LRRCC1: variants seen among roughly 807,000 people sequenced by gnomAD.
LRRCC1 encodes leucine rich repeat and coiled-coil centrosomal protein 1.
Under a neutral mutation model 126.0 loss-of-function variants are expected in LRRCC1, and 115 were observed. The observed-to-expected ratio is 0.91, with a 90% CI of 0.78 to 1.07. LRRCC1 has a LOEUF of 1.07. Among genes scored for constraint, LRRCC1 ranks in the 50% least tolerant of loss-of-function variants. The pLI is 0.00. For synonymous variants in LRRCC1, 400 were observed against 393.4 expected, an observed-to-expected ratio of 1.02 and a Z score of -0.20; for missense variants, 1,172 against 1,175.7, an observed-to-expected ratio of 1.00 and a Z score of 0.05.
chr8:85,126,895 G>T, intron 9 of LRRCC1, 58 bp downstream of exon 9: 1 of 1,402,646 alleles, frequency 7.1e-7, no homozygotes. Flanking sequence ...ACTGACTTTA[G>T]AACTGGAATA....
At chr8:85,108,471 G>C (rs544392359) in intron 1 of LRRCC1, among the ~76,000 whole-genome samples, 4 of 152,288 alleles carry the variant, frequency 2.6e-5, no homozygotes, top group South Asian at 2.1e-4. Context: ...ATTAAGTTCG[G>C]ATTCAAACCC....
chr8:85,123,514 T>C lies in LRRCC1; in HGVS notation c.1032T>C (p.Asn344=), dbSNP rs1809729147. The change falls in exon 7 of 19, where the codon AAT becomes AAC. Residue 344 remains asparagine, a synonymous_variant. Coordinates refer to ENST00000360375, the MANE Select transcript of LRRCC1 (RefSeq NM_033402.5). ...ACTATGGAAACAGAAAAGAATGCAA[T>C]AGAAAAGTTCCTCGAAGATCAAAAA... is the stretch of plus-strand genomic sequence containing the variant. ...ESDYGNRKEC[N]RKVPRRSKIP... is the part of the protein sequence containing the mutation. 1.9e-6 allele frequency: 3 copies of C among 1,611,218 alleles called. No homozygotes were observed. The South Asian group carries it at 3.3e-5, about 18-fold the overall frequency.
At position 85,123,008 on chromosome 8, in the gene LRRCC1, G is replaced by GT. The variant is rs1390656785; in HGVS notation, c.931-400dup. ...CTGGTTCTTCAGGCCCAGAAGTCTGGTTTTTCCTACCTGAGGTTTAGACTC... is the reference window on the plus strand; with the variant it reads ...CTGGTTCTTCAGGCCCAGAAGTCTGGTTTTTTCCTACCTGAGGTTTAGACTC... On this transcript the variant is annotated intron_variant, in intron 6 of 18. Transcript: ENST00000360375. Among the ~76,000 whole-genome samples, 3 of 152,026 alleles carry GT rather than the reference G, an allele frequency of 2.0e-5. No homozygotes were observed. In the East Asian group the frequency reaches 5.8e-4, roughly 29 times the overall value.
rs1810747751 is a variant in LRRCC1, at chr8:85,134,987, G to A, written c.2109G>A (p.Leu703=). ...TCMVKEQKTK[L]AEVSKLKQET... Reference sequence around the variant, plus strand: ...TGGTAAAGGAACAAAAAACAAAACTGGCAGAAGTTTCTAAATTGAAACAAG... The same window carrying A: ...TGGTAAAGGAACAAAAAACAAAACTAGCAGAAGTTTCTAAATTGAAACAAG... Residue 703 remains leucine, a synonymous_variant, in exon 13 of 19, where the codon CTG becomes CTA. Transcript: ENST00000360375. 6.5e-7 allele frequency: 1 copy of A among 1,547,750 alleles called. No individual in the cohort carries two copies. The highest frequency in any genetic ancestry group is 2.4e-5 in the East Asian group (1 of 41,774).
rs145921357 is a variant in LRRCC1 at position 85,120,348 on chromosome 8, A to G, written c.931-3065A>G. Among the ~76,000 whole-genome samples the G allele has an allele frequency of 1.2e-4, 18 of 152,202 alleles. No individual in the cohort carries two copies. The East Asian group carries it at 3.3e-3, about 28-fold the overall frequency. ...TCTAGTTCTATCAATTGTGGCATGA[A>G]GAAGTGTTGAAATCTCTGTGGTTGT... On this transcript the variant is annotated intron_variant, in intron 6 of 18. Transcript: ENST00000360375.
At chr8:85,127,761 C>T (rs1346873152) in intron 9 of LRRCC1, among the ~76,000 whole-genome samples, 1 of 152,134 alleles carries the variant, frequency 6.6e-6, no homozygotes, top group Non-Finnish European at 1.5e-5. Flanking sequence ...GCTATGAGAA[C>T]CTCTATAATT....
In LRRCC1 at chr8:85,138,790, A is replaced by G. The variant is rs564779893; in HGVS notation, c.2840+315A>G. On this transcript the variant is annotated intron_variant, in intron 17 of 18. Coordinates refer to ENST00000360375, the MANE Select transcript of LRRCC1 (RefSeq NM_033402.5). The stretch of plus-strand genomic sequence containing the variant: ...CTGCACACGGTGGCTCACGCCTGCA[A>G]TCCCAGCGCTTTGGGAGGCCGAGGT... 1.2e-3 allele frequency among the ~76,000 whole-genome samples: 182 copies of G among 152,304 alleles called. 1 individual carries two copies. The highest frequency in any genetic ancestry group is 4.1e-3 in the African/African-American group (171 of 41,564).
chr8:85,116,019 C>T (rs1373941769), intron 6 of LRRCC1, among the ~76,000 whole-genome samples: 4 of 152,162 alleles, frequency 2.6e-5, no homozygotes, highest in Non-Finnish European at 5.9e-5. Context: ...TACATAGTTC[C>T]TGTATCAATT....
At chr8:85,110,997 C>T (rs2135915172) in intron 3 of LRRCC1, among the ~76,000 whole-genome samples, 1 of 152,254 alleles carries the variant, frequency 6.6e-6, no homozygotes, top group East Asian at 1.9e-4. Context: ...AATAAAAAGA[C>T]CTAGTCTGTA....
chr8:85,116,638 T>C (rs905277218), intron 6 of LRRCC1, among the ~76,000 whole-genome samples: 1 of 152,056 alleles, frequency 6.6e-6, no homozygotes, highest in African/African-American at 2.4e-5. Flanking sequence ...CCTCCTAAAA[T>C]AGTGAGATTA....
At chr8:85,129,751 T>C (rs1449971930) in intron 10 of LRRCC1, among the ~76,000 whole-genome samples, 168 bp from the exon 11 acceptor site, 1 of 152,222 alleles carries the variant, frequency 6.6e-6, no homozygotes, top group Non-Finnish European at 1.5e-5. Flanking sequence ...GTGTATTTGT[T>C]CCTTCCAAGG....
At chr8:85,110,802 A>C (rs764285082) in intron 3 of LRRCC1, among the ~76,000 whole-genome samples, 3 of 152,170 alleles carry the variant, frequency 2.0e-5, no homozygotes, top group Admixed American at 6.5e-5. Flanking sequence ...TAATTGATTA[A>C]AGTGATGTAG....
chr8:85,145,135 A>ATATATG (rs71273924), intron 18 of LRRCC1, among the ~76,000 whole-genome samples: 2 of 149,668 alleles, frequency 1.3e-5, no homozygotes, highest in African/African-American at 4.9e-5. Context: ...ATATATATAT[A>ATATATG]GCCATGTCTT....
intron 6 of LRRCC1, among the ~76,000 whole-genome samples, chr8:85,119,496 CTT>C (rs542722001): frequency 9.6e-5 from 13 of 135,860 alleles, no homozygotes; most frequent in African/African-American, 1.3e-4. Context: ...TTTTCTAGCA[CTT>C]TTTTTTTTTT....
rs201274634 is a variant in LRRCC1 at position 85,109,654 on chromosome 8, T to G, written c.164T>G (p.Ile55Ser). 38 of 1,611,892 alleles carry G rather than the reference T, an allele frequency of 2.4e-5. No individual in the cohort carries two copies. In the Admixed American group the frequency reaches 4.7e-4, roughly 20 times the overall value. ...LHAVNLHCNN[I>S]SKIEAIDHIW... is the part of the protein sequence containing the mutation. ...GCCGTCAATCTTCATTGCAATAACA[T>G]CTCCAAGATCGAAGCCATTGATCAT... Residue 55 changes from isoleucine to serine, a missense_variant, in exon 2 of 19, where the codon ATC becomes AGC. Transcript: ENST00000360375.
At position 85,129,345 on chromosome 8, in the gene LRRCC1, T is replaced by A. The variant is rs1355032908; in HGVS notation, c.1592T>A (p.Met531Lys). The A allele has an allele frequency of 1.2e-6, 2 of 1,611,806 alleles. No individual in the cohort carries two copies. The highest frequency in any genetic ancestry group is 4.5e-5 in the East Asian group (2 of 44,828). ...ACCCTCGAAAAAACATTAGAAAAAA[T>A]GGAGAGACAAAAAAGGCAGCAGCAG... ...LRTLEKTLEK[M>K]ERQKRQQQAA... Residue 531 changes from methionine (M) to lysine (K), a missense_variant, in exon 10 of 19, where the codon ATG (methionine) becomes AAG (lysine). Transcript: ENST00000360375.
At chr8:85,122,675 C>T (rs781478535) in intron 6 of LRRCC1, among the ~76,000 whole-genome samples, 1 of 152,038 alleles carries the variant, frequency 6.6e-6, no homozygotes, top group Non-Finnish European at 1.5e-5. Flanking sequence ...TTTTAAAGTT[C>T]TTGTTTGCTT....
rs140387352 is a variant in LRRCC1 at position 85,113,160 on chromosome 8, C to T, written c.544+61C>T. 2.3e-3 allele frequency: 3,032 copies of T among 1,336,728 alleles called. 17 individuals carry two copies. The highest frequency in any genetic ancestry group is 6.8e-3 in the South Asian group (515 of 75,196). The allele number at this position is 1,336,728 out of a possible 1,614,324, so 82.8% of individuals were successfully genotyped here. A position where few individuals can be genotyped will look rare whatever the true frequency, so the allele number is the denominator to read the frequency against. On this transcript the variant is annotated intron_variant, in intron 4 of 18. Transcript: ENST00000360375. ...TAATATTGAGAGCTTCTTTATTTTC[C>T]TGAAATTGGCATTCGTGACCTCATT... is the stretch of plus-strand genomic sequence containing the variant.
At chr8:85,135,988 G>A (rs1810831802) in intron 14 of LRRCC1, 25 bp downstream of exon 14, 2 of 1,519,302 alleles carry the variant, frequency 1.3e-6, no homozygotes, top group South Asian at 1.3e-5. Context: ...TTTTCAAAGG[G>A]AAAATAGCTT....
Sources: gnomAD v4.1 joint callset for allele counts (sites outside exome capture counted in the v4.1 genomes callset) on GRCh38, gnomAD v4.1.1 for gene constraint, MANE v1.5 for transcripts, NCBI Gene and HGNC (gene_info 2026-07-23, HGNC 2026-07-21) for gene names.